The following PDCD6IP variants were observed in gnomAD, a reference collection of about 807,000 sequenced individuals.
PDCD6IP encodes the protein programmed cell death 6-interacting protein.
In PDCD6IP, 43 loss-of-function variants were observed where a neutral mutation model predicts 103.7. The observed-to-expected ratio is 0.41, with a 90% CI of 0.32 to 0.53. The LOEUF (loss-of-function observed/expected upper bound fraction) is 0.53, where lower values mean the gene tolerates loss of function less well. PDCD6IP is among the 20% of genes least tolerant of loss of function. The pLI is 0.16. For synonymous variants in PDCD6IP, 354 were observed against 378.7 expected, an observed-to-expected ratio of 0.93 and a Z score of 0.76; for missense variants, 871 against 1,036.7, an observed-to-expected ratio of 0.84 and a Z score of 2.20.
chr3:33,844,788 A>G (rs1406573448), intron 11 of PDCD6IP, among the ~76,000 whole-genome samples: 1 of 152,134 alleles, frequency 6.6e-6, no homozygotes, highest in African/African-American at 2.4e-5. Context: ...GCCCCTGTGC[A>G]TATTTTAAAA....
At position 33,854,030 on chromosome 3, in the gene PDCD6IP, A is replaced by G. The variant is rs1203874461; in HGVS notation, c.2025+17A>G. ...GGCACAAAGGTATGAAGTACATGCAAAAGGAACCATAGCTAGCAAGTACAG... is the reference window on the plus strand; with the variant it reads ...GGCACAAAGGTATGAAGTACATGCAGAAGGAACCATAGCTAGCAAGTACAG... On this transcript the variant is annotated intron_variant, in intron 14 of 17. Coordinates refer to ENST00000307296, the MANE Select transcript of PDCD6IP (RefSeq NM_013374.6). 2 of 1,559,166 alleles carry G rather than the reference A, an allele frequency of 1.3e-6. No homozygotes were observed. The highest frequency in any genetic ancestry group is 1.3e-5 in the South Asian group (1 of 79,528).
chr3:33,839,051 C>T (rs1473336900), intron 9 of PDCD6IP, among the ~76,000 whole-genome samples: 6 of 152,182 alleles, frequency 3.9e-5, no homozygotes, highest in Non-Finnish European at 8.8e-5. Flanking sequence ...AAGCGATCCT[C>T]CTGCCTTGAC....
At chr3:33,865,540 A>G in intron 17 of PDCD6IP, 110 bp downstream of exon 17, 1 of 778,704 alleles carries the variant, frequency 1.3e-6, no homozygotes. Flanking sequence ...TCATGAATGA[A>G]TAAGCTACAC....
At chr3:33,802,497 T>C (rs1264743319) in intron 1 of PDCD6IP, among the ~76,000 whole-genome samples, 3 of 151,910 alleles carry the variant, frequency 2.0e-5, no homozygotes, top group Non-Finnish European at 4.4e-5. Context: ...TTTTTCTTTT[T>C]TTTTTTTTTG....
At chr3:33,850,308 C>T (rs777998372) in intron 12 of PDCD6IP, among the ~76,000 whole-genome samples, 5 of 151,646 alleles carry the variant, frequency 3.3e-5, no homozygotes, top group South Asian at 2.1e-4. Context: ...TATGTAATTA[C>T]GTTTCACTTT....
intron 3 of PDCD6IP, among the ~76,000 whole-genome samples, chr3:33,814,493 T>G (rs1374340604): frequency 6.6e-6 from 1 of 151,224 alleles, no homozygotes; most frequent in Non-Finnish European, 1.5e-5. Flanking sequence ...GAACAGTGCT[T>G]TATTAGCTGC....
chr3:33,835,903 C>T (rs1697335786), intron 7 of PDCD6IP, 141 bp from the exon 8 acceptor site: 4 of 599,910 alleles, frequency 6.7e-6, no homozygotes, highest in South Asian at 4.2e-5. Flanking sequence ...CCAGGTAACC[C>T]TGTCAGCCAC....
chr3:33,799,356 C>CAGTGGGGGA (rs1696416287), intron 1 of PDCD6IP: 1 of 163,848 alleles, frequency 6.1e-6, no homozygotes, highest in Admixed American at 6.3e-5. Context: ...TGCTTGAAGG[C>CAGTGGGGGA]AGTGGGGGAA....
intron 14 of PDCD6IP, among the ~76,000 whole-genome samples, chr3:33,854,395 C>G (rs1697785123): frequency 6.6e-6 from 1 of 152,108 alleles, no homozygotes; most frequent in Non-Finnish European, 1.5e-5. Context: ...CTTTTATGTT[C>G]TCTGCGGTGG....
intron 4 of PDCD6IP, among the ~76,000 whole-genome samples, chr3:33,823,475 T>C (rs1294540168): frequency 1.3e-5 from 2 of 152,214 alleles, no homozygotes; most frequent in Non-Finnish European, 2.9e-5. Flanking sequence ...AGGCTATACA[T>C]GGCAAATATT....
chr3:33,805,046 C>T (rs970123355), intron 1 of PDCD6IP, among the ~76,000 whole-genome samples: 5 of 152,134 alleles, frequency 3.3e-5, no homozygotes, highest in South Asian at 2.1e-4. Context: ...ATCCCCACAC[C>T]TTCCCCTTAA....
At chr3:33,861,669 T>C (rs1313252260) in intron 15 of PDCD6IP, among the ~76,000 whole-genome samples, 1 of 152,216 alleles carries the variant, frequency 6.6e-6, no homozygotes, top group Admixed American at 6.5e-5. Flanking sequence ...ATATTCCTCC[T>C]AGCAATATAT....
intron 13 of PDCD6IP, among the ~76,000 whole-genome samples, chr3:33,853,544 A>C (rs893436315): frequency 2.6e-5 from 4 of 152,230 alleles, no homozygotes; most frequent in Admixed American, 2.6e-4. Flanking sequence ...AATTAAACAT[A>C]TATTTCTACT....
intron 9 of PDCD6IP, among the ~76,000 whole-genome samples, chr3:33,841,453 T>G (rs1462196669): frequency 6.9e-6 from 1 of 144,092 alleles, no homozygotes; most frequent in Non-Finnish European, 1.5e-5. Flanking sequence ...TTTTTTTTTT[T>G]TTTGAGACGG....
chr3:33,848,698 C>T lies in PDCD6IP; in HGVS notation c.1641+3110C>T, dbSNP rs191939689. Among the ~76,000 whole-genome samples, 1,040 of 152,186 alleles carry T rather than the reference C, an allele frequency of 6.8e-3. 5 individuals carry two copies. Among genetic ancestry groups the T allele is most frequent in the Non-Finnish European group, 0.011 (743 of 67,996 alleles). ...GATTACAGGCGTGAGCTACCGCGCC[C>T]GGCCCATTGAGGGCATTTCTTGTCT... On this transcript the variant is annotated intron_variant, in intron 12 of 17. Transcript: ENST00000307296.
rs756968714 is a variant in PDCD6IP at position 33,845,405 on chromosome 3, T to C, written c.1472-14T>C. 1.9e-6 allele frequency: 3 copies of C among 1,606,398 alleles called. No individual in the cohort carries two copies. Among genetic ancestry groups the C allele is most frequent in the South Asian group, 2.2e-5 (2 of 90,178 alleles). On this transcript the variant is annotated splice_polypyrimidine_tract_variant and intron_variant, in intron 11 of 17. Transcript: ENST00000307296. ...AATCACTTCTGTGCTCTGCAAACTT[T>C]TATTTTCTCCCAGAGGGAACCAACT...
intron 7 of PDCD6IP, 32 bp from the exon 8 acceptor site, chr3:33,836,008 CTTTT>C (rs34046608): frequency 2.2e-6 from 2 of 926,910 alleles, no homozygotes; most frequent in Non-Finnish European, 3.2e-6. Flanking sequence ...TCACCTCCCT[CTTTT>C]TTTTTTTTGT....
intron 12 of PDCD6IP, among the ~76,000 whole-genome samples, chr3:33,845,810 GA>G (rs1189112217): frequency 3.3e-5 from 5 of 151,950 alleles, no homozygotes; most frequent in East Asian, 3.9e-4. Flanking sequence ...GCCCTTTTTT[GA>G]ACTAAATTTT....
At chr3:33,806,977 C>T (rs1052586572) in intron 1 of PDCD6IP, among the ~76,000 whole-genome samples, 2 of 152,138 alleles carry the variant, frequency 1.3e-5, no homozygotes, top group Non-Finnish European at 2.9e-5. Flanking sequence ...TGATTGCCCT[C>T]CTGTTGTACT....
Sources: allele counts gnomAD v4.1 joint callset (sites outside exome capture counted in the v4.1 genomes callset), GRCh38; gene constraint gnomAD v4.1.1; transcripts MANE v1.5; gene names NCBI Gene and HGNC (gene_info 2026-07-23, HGNC 2026-07-21).